TENM3: variants seen among roughly 807,000 people sequenced by gnomAD.
TENM3 encodes the protein teneurin-3.
In TENM3, 63 loss-of-function variants were observed where a neutral mutation model predicts 255.1. The ratio of observed to expected loss-of-function variants is 0.25; its 90% CI spans 0.20 to 0.30. TENM3 has a LOEUF of 0.30. Among genes scored for constraint, TENM3 ranks in the 10% least tolerant of loss-of-function variants. The pLI, the probability that TENM3 is intolerant of heterozygous loss-of-function variation, is 1.00. For missense variants in TENM3, 2,929 were observed against 3,461.1 expected (o/e 0.85, Z 3.86); for synonymous variants, 1,306 against 1,322.3 (o/e 0.99, Z 0.27).
At chr4:181,949,823 C>T in the TENM3 span, among the ~76,000 whole-genome samples, 3 of 152,108 alleles carry the variant, frequency 2.0e-5, no homozygotes, top group Admixed American at 1.3e-4. Context: ...CCCCTGCCTC[C>T]CTGGTGGTCT....
At position 182,521,785 on chromosome 4, in the gene TENM3, AATT is replaced by A. The variant is rs1425773714; in HGVS notation, c.512-79132_512-79130del. ...CAGCATATGGCTTATTTTTCTAAGCAATTATTATTTAACTCTCAACCAGGAACG... is the reference window on the plus strand; with the variant it reads ...CAGCATATGGCTTATTTTTCTAAGCAATTATTTAACTCTCAACCAGGAACG... On this transcript the variant is annotated intron_variant, in intron 3 of 27. Transcript: ENST00000511685. Among the ~76,000 whole-genome samples the A allele has an allele frequency of 4.2e-4, 64 of 152,276 alleles. 1 individual carries two copies. The highest frequency in any genetic ancestry group is 3.5e-4 in the Non-Finnish European group (24 of 68,020).
At chr4:182,657,045 A>G (rs566466040) in intron 6 of TENM3, among the ~76,000 whole-genome samples, 1 of 152,316 alleles carries the variant, frequency 6.6e-6, no homozygotes, top group African/African-American at 2.4e-5. Context: ...TCCAGAAACT[A>G]AAATTATTCC....
the TENM3 span, among the ~76,000 whole-genome samples, chr4:181,781,781 G>A: frequency 6.6e-6 from 1 of 152,132 alleles, no homozygotes; most frequent in Admixed American, 6.6e-5. Context: ...TTATTATTTT[G>A]AGATACATCC....
At chr4:182,480,046 AGC>A (rs1468370522) in intron 3 of TENM3, among the ~76,000 whole-genome samples, 3 of 152,048 alleles carry the variant, frequency 2.0e-5, no homozygotes, top group African/African-American at 7.2e-5. Context: ...TATGATGGAT[AGC>A]AACAGGAAGT....
At chr4:182,722,003 A>G (rs955441224) in intron 13 of TENM3, among the ~76,000 whole-genome samples, 33 of 151,968 alleles carry the variant, frequency 2.2e-4, no homozygotes, top group Admixed American at 2.0e-3. Flanking sequence ...GTGTTCACTT[A>G]TCTTTTAACT....
chr4:182,116,389 G>A, the TENM3 span, among the ~76,000 whole-genome samples: 2 of 150,366 alleles, frequency 1.3e-5, no homozygotes, highest in East Asian at 2.0e-4. Context: ...CATCTTGAAT[G>A]TAGTTCCCAT....
the TENM3 span, among the ~76,000 whole-genome samples, chr4:181,854,756 C>T: frequency 6.6e-6 from 1 of 152,252 alleles, no homozygotes; most frequent in East Asian, 1.9e-4. Flanking sequence ...TATTTTTCTA[C>T]TTTTTAAATT....
At chr4:182,128,233 CT>C in the TENM3 span, among the ~76,000 whole-genome samples, 379 of 150,684 alleles carry the variant, frequency 2.5e-3, 2 homozygotes, top group African/African-American at 8.5e-3. Flanking sequence ...TTATCTTATC[CT>C]TTTTTTTTCT....
chr4:181,738,769 A>G, the TENM3 span, among the ~76,000 whole-genome samples: 1 of 152,064 alleles, frequency 6.6e-6, no homozygotes, highest in Non-Finnish European at 1.5e-5. Context: ...ATGAGTAGAT[A>G]TATTTCCCTT....
intron 1 of TENM3, among the ~76,000 whole-genome samples, chr4:182,159,845 T>C (rs1305120011): frequency 6.6e-6 from 1 of 152,184 alleles, no homozygotes; most frequent in East Asian, 1.9e-4. Context: ...GCAATGTGTG[T>C]GATGCATGTT....
At chr4:181,591,958 GA>G in the TENM3 span, among the ~76,000 whole-genome samples, 74,882 of 147,430 alleles carry the variant, frequency 0.51, 19,015 homozygotes, top group Non-Finnish European at 0.56. Context: ...AAAAAAGCCA[GA>G]AAAAAAAAAA....
chr4:182,760,782 C>T (rs181811121), intron 22 of TENM3, among the ~76,000 whole-genome samples: 71 of 152,220 alleles, frequency 4.7e-4, no homozygotes, highest in African/African-American at 1.6e-3. Context: ...ATGAACTTAA[C>T]TCAGTGCCCA....
chr4:181,704,536 TA>T, the TENM3 span, among the ~76,000 whole-genome samples: 32 of 152,284 alleles, frequency 2.1e-4, no homozygotes, highest in African/African-American at 7.0e-4. Flanking sequence ...AGATACAAAT[TA>T]TTTTTTTTCA....
the TENM3 span, among the ~76,000 whole-genome samples, chr4:181,698,853 A>T: frequency 2.6e-5 from 4 of 152,242 alleles, no homozygotes; most frequent in African/African-American, 9.6e-5. Context: ...TTGCTTTCAA[A>T]AAAGCAAGAA....
Position 182,676,844 on chromosome 4 carries a change from C to T in TENM3, c.1327-2822C>T, listed in dbSNP as rs766737006. Among the ~76,000 whole-genome samples the T allele has an allele frequency of 5.3e-4, 80 of 152,246 alleles. 1 individual carries two copies. Among genetic ancestry groups the T allele is most frequent in the Non-Finnish European group, 9.9e-4 (67 of 68,012 alleles). ...AAATCGTAAGAAAATGACCTTTAAACGGAGCTTTCACACTAAAATTATCTC... is the reference window on the plus strand; with the variant it reads ...AAATCGTAAGAAAATGACCTTTAAATGGAGCTTTCACACTAAAATTATCTC... On this transcript the variant is annotated intron_variant, in intron 7 of 27. Transcript: ENST00000511685.
chr4:182,747,251 G>A (rs533002118), intron 19 of TENM3, among the ~76,000 whole-genome samples: 11 of 152,208 alleles, frequency 7.2e-5, no homozygotes, highest in Middle Eastern at 3.4e-3. Flanking sequence ...AAACAGTCTC[G>A]TTAGTTGGAC....
chr4:182,013,836 ATAAT>A, the TENM3 span, among the ~76,000 whole-genome samples: 3 of 151,216 alleles, frequency 2.0e-5, no homozygotes, highest in African/African-American at 7.3e-5. Context: ...CTATAGAACT[ATAAT>A]TATTATGTAT....
intron 6 of TENM3, among the ~76,000 whole-genome samples, chr4:182,660,076 G>A (rs931733630): frequency 1.2e-4 from 17 of 146,652 alleles, no homozygotes; most frequent in African/African-American, 3.7e-4. Context: ...ATATACAAAG[G>A]TGTAAACATA....
chr4:182,536,926 T>A (rs1027613376), intron 3 of TENM3, among the ~76,000 whole-genome samples: 1 of 152,232 alleles, frequency 6.6e-6, no homozygotes, highest in African/African-American at 2.4e-5. Flanking sequence ...TTCTTTTTTT[T>A]CCCTTGTTTG....
Sources: gnomAD v4.1 joint callset for allele counts (sites outside exome capture counted in the v4.1 genomes callset) on GRCh38, gnomAD v4.1.1 for gene constraint, MANE v1.5 for transcripts, NCBI Gene and HGNC (gene_info 2026-07-23, HGNC 2026-07-21) for gene names.